PDE3A: variants seen among roughly 807,000 people sequenced by gnomAD.
PDE3A encodes the protein phosphodiesterase 3A.
PDE3A carries 43 observed loss-of-function variants against 98.3 expected under a neutral mutation model. The observed-to-expected ratio is 0.44, with a 90% confidence interval of 0.34 to 0.56. The LOEUF is 0.56. Ranked by LOEUF, PDE3A falls within the 20% of genes least tolerant of loss-of-function variation. The pLI, the probability that PDE3A is intolerant of heterozygous loss-of-function variation, is 0.01. For synonymous variants in PDE3A, 663 were observed against 567.9 expected (o/e 1.17, Z -2.38); for missense variants, 1,427 against 1,440.7 (o/e 0.99, Z 0.15).
intron 1 of PDE3A, among the ~76,000 whole-genome samples, chr12:20,381,182 A>G (rs1170502820): frequency 6.6e-6 from 1 of 151,772 alleles, no homozygotes; most frequent in Non-Finnish European, 1.5e-5. Context: ...TTTTTGGTGG[A>G]ACTTCCTTAA....
intron 1 of PDE3A, among the ~76,000 whole-genome samples, chr12:20,448,751 G>GTTTTTTTTTTTTTTTT (rs1265923346): frequency 2.2e-5 from 3 of 134,378 alleles, no homozygotes; most frequent in African/African-American, 5.3e-5. Context: ...TTTATTTTAA[G>GTTTTTTTTTTTTTTTT]GTTTTTTTTT....
intron 15 of PDE3A, among the ~76,000 whole-genome samples, chr12:20,678,223 A>G (rs964504983): frequency 1.3e-5 from 2 of 152,100 alleles, no homozygotes; most frequent in Non-Finnish European, 2.9e-5. Flanking sequence ...CTTTCCTCAT[A>G]TTTTAGGGAG....
At chr12:20,562,546 A>T (rs1208242137) in intron 2 of PDE3A, among the ~76,000 whole-genome samples, 1 of 151,824 alleles carries the variant, frequency 6.6e-6, no homozygotes, top group East Asian at 1.9e-4. Context: ...TTAAATGCTT[A>T]AAAACAGTAG....
At chr12:20,609,573 A>G (rs1315734973) in intron 2 of PDE3A, among the ~76,000 whole-genome samples, 1 of 152,044 alleles carries the variant, frequency 6.6e-6, no homozygotes, top group African/African-American at 2.4e-5. Flanking sequence ...GTATGAAACC[A>G]CAAAAAACCC....
chr12:20,409,008 G>T (rs1360172763), intron 1 of PDE3A, among the ~76,000 whole-genome samples: 1 of 152,066 alleles, frequency 6.6e-6, no homozygotes, highest in Admixed American at 6.6e-5. Flanking sequence ...CTGGAAATGG[G>T]AATTTTTTTA....
intron 15 of PDE3A, among the ~76,000 whole-genome samples, chr12:20,673,572 A>C (rs371528304): frequency 2.7e-5 from 4 of 150,324 alleles, no homozygotes; most frequent in East Asian, 2.0e-4. Flanking sequence ...AAATTGGAAA[A>C]CATCATTCTC....
chr12:20,596,505 T>TC (rs1355011671), intron 2 of PDE3A, among the ~76,000 whole-genome samples: 6 of 152,182 alleles, frequency 3.9e-5, no homozygotes, highest in Non-Finnish European at 8.8e-5. Context: ...AACCCAGACT[T>TC]GTAGACAGAT....
intron 1 of PDE3A, among the ~76,000 whole-genome samples, chr12:20,408,014 C>G (rs1447733119): frequency 6.6e-6 from 1 of 152,050 alleles, no homozygotes; most frequent in African/African-American, 2.4e-5. Context: ...CCGTCTGCCT[C>G]CTGGGTTGAA....
In PDE3A at chr12:20,639,897, C is replaced by T; in HGVS notation, c.2191C>T (p.Pro731Ser). Residue 731 changes from proline to serine, a missense_variant, in exon 10 of 16, where the codon CCA becomes TCA. Coordinates refer to ENST00000359062, the MANE Select transcript of PDE3A (RefSeq NM_000921.5). ...GGGCCTCTTTGAAGCTTTTAAAATTCCAATTAGGGAATTTATGAATTATTT... is the reference window on the plus strand; with the variant it reads ...GGGCCTCTTTGAAGCTTTTAAAATTTCAATTAGGGAATTTATGAATTATTT... ...DMGLFEAFKI[P>S]IREFMNYFHA... 1 of 1,584,420 alleles carries T rather than the reference C, an allele frequency of 6.3e-7. No individual in the cohort carries two copies. The highest frequency in any genetic ancestry group is 8.7e-7 in the Non-Finnish European group (1 of 1,153,834).
At chr12:20,536,335 C>T (rs927276640) in intron 1 of PDE3A, among the ~76,000 whole-genome samples, 12 of 94,182 alleles carry the variant, frequency 1.3e-4, no homozygotes, top group African/African-American at 5.9e-4. Flanking sequence ...AGATCCTTTA[C>T]TGTGAGGTGT....
At chr12:20,412,530 T>A (rs11045226) in intron 1 of PDE3A, among the ~76,000 whole-genome samples, 1 of 151,982 alleles carries the variant, frequency 6.6e-6, no homozygotes, top group Non-Finnish European at 1.5e-5. Context: ...TAGATACATA[T>A]GTAAGAAAGT....
intron 2 of PDE3A, among the ~76,000 whole-genome samples, chr12:20,599,302 A>T (rs548670862): frequency 2.4e-4 from 37 of 151,830 alleles, no homozygotes; most frequent in African/African-American, 9.0e-4. Context: ...CCTGTCTGTC[A>T]TACTTCTCCT....
intron 1 of PDE3A, among the ~76,000 whole-genome samples, chr12:20,508,900 C>T (rs4762762): frequency 1 from 151,494 of 151,802 alleles, 75,596 homozygotes; most frequent in East Asian, 1. Context: ...CATATGATTA[C>T]TAGTTTTATT....
intron 1 of PDE3A, among the ~76,000 whole-genome samples, chr12:20,405,919 A>G (rs924050460): frequency 2.0e-5 from 3 of 152,128 alleles, no homozygotes; most frequent in African/African-American, 7.2e-5. Flanking sequence ...GACAATCACC[A>G]TTCTACCCTC....
In PDE3A at chr12:20,580,886, A is replaced by G. The variant is rs114731279; in HGVS notation, c.1011+24176A>G. Among the ~76,000 whole-genome samples the G allele has an allele frequency of 1.0e-2, 1,517 of 152,288 alleles. 30 individuals are homozygous for G. Among genetic ancestry groups the G allele is most frequent in the African/African-American group, 0.035 (1,452 of 41,556 alleles). ...CTAATGGTATAAATTAACCTCTTGA[A>G]TCTGGCATTTTCAAAACTACTGTAG... On this transcript the variant is annotated intron_variant, in intron 2 of 15. Transcript: ENST00000359062.
At chr12:20,565,406 A>G (rs1942631215) in intron 2 of PDE3A, among the ~76,000 whole-genome samples, 1 of 152,056 alleles carries the variant, frequency 6.6e-6, no homozygotes, top group Non-Finnish European at 1.5e-5. Flanking sequence ...ATACCCTAAA[A>G]GGGAAGTTCT....
At chr12:20,394,023 A>T (rs1228875119) in intron 1 of PDE3A, among the ~76,000 whole-genome samples, 5 of 152,026 alleles carry the variant, frequency 3.3e-5, no homozygotes, top group Admixed American at 3.3e-4. Context: ...TTGAACCTAG[A>T]AGGGCATGAA....
At chr12:20,401,998 C>T (rs1333474807) in intron 1 of PDE3A, among the ~76,000 whole-genome samples, 2 of 152,078 alleles carry the variant, frequency 1.3e-5, no homozygotes, top group Non-Finnish European at 2.9e-5. Context: ...TGGTGATTAT[C>T]CCCAGTTGAT....
intron 1 of PDE3A, among the ~76,000 whole-genome samples, chr12:20,518,833 T>C (rs1946369419): frequency 6.6e-6 from 1 of 152,226 alleles, no homozygotes; most frequent in African/African-American, 2.4e-5. Context: ...CTTTCTGTAC[T>C]GATGGATTTT....
Sources: gnomAD v4.1 joint callset for allele counts (sites outside exome capture counted in the v4.1 genomes callset) on GRCh38, gnomAD v4.1.1 for gene constraint, MANE v1.5 for transcripts, NCBI Gene and HGNC (gene_info 2026-07-23, HGNC 2026-07-21) for gene names.